Variants in HSD17B4 observed in about 807,000 individuals in gnomAD.
The protein encoded by HSD17B4 is peroxisomal multifunctional enzyme type 2.
Under a neutral mutation model 101.0 loss-of-function variants are expected in HSD17B4, and 70 were observed. That is an observed-to-expected ratio of 0.69 (90% CI 0.57 to 0.85). The LOEUF is 0.85. Among genes scored for constraint, HSD17B4 ranks in the 40% least tolerant of loss-of-function variants. The pLI is 0.00. For missense variants in HSD17B4, 984 were observed against 892.4 expected (o/e 1.10, Z -1.31); for synonymous variants, 347 against 297.1 (o/e 1.17, Z -1.73).
chr5:119,502,228 A>G, intron 14 of HSD17B4, 136 bp downstream of exon 14: 6 of 669,588 alleles, frequency 9.0e-6, no homozygotes, highest in Middle Eastern at 4.1e-4. Flanking sequence ...CATGTGAGCC[A>G]TTAGAGTAGA....
intron 20 of HSD17B4, among the ~76,000 whole-genome samples, chr5:119,529,546 C>G (rs1408201075): frequency 6.6e-6 from 1 of 152,044 alleles, no homozygotes; most frequent in Admixed American, 6.6e-5. Context: ...ATCCCCTGAT[C>G]CCCACTTCCC....
At chr5:119,471,684 C>T in intron 2 of HSD17B4, 1 of 1,470,338 alleles carries the variant, frequency 6.8e-7, no homozygotes. Flanking sequence ...TTTCACAATG[C>T]AGATTCTTTG....
intron 22 of HSD17B4, among the ~76,000 whole-genome samples, 164 bp downstream of exon 22, chr5:119,531,568 GGTGTGTGTGTGT>G (rs57579065): frequency 6.9e-5 from 8 of 116,400 alleles, no homozygotes; most frequent in African/African-American, 2.2e-4. Context: ...TCCAAAGGGG[GGTGTGTGTGTGT>G]GTGTGTGTGT....
chr5:119,477,651 C>A (rs563259365), intron 7 of HSD17B4, 150 bp downstream of exon 7: 1 of 675,658 alleles, frequency 1.5e-6, no homozygotes, highest in Non-Finnish European at 2.8e-6. Context: ...GGCACATACC[C>A]TCATTAAATT....
chr5:119,538,700 C>T (rs1754733902), intron 23 of HSD17B4, among the ~76,000 whole-genome samples: 1 of 152,102 alleles, frequency 6.6e-6, no homozygotes, highest in Admixed American at 6.6e-5. Flanking sequence ...TTTGTCCTTC[C>T]TTTCAGTTCC....
chr5:119,531,894 G>A (rs1236464545), intron 22 of HSD17B4, among the ~76,000 whole-genome samples: 3 of 152,106 alleles, frequency 2.0e-5, no homozygotes, highest in Non-Finnish European at 4.4e-5. Flanking sequence ...GGTCAAAGGT[G>A]TTTGTTTATC....
Position 119,536,498 on chromosome 5 carries a change from T to C in HSD17B4, c.2069T>C (p.Leu690Pro). The C allele has an allele frequency of 6.2e-7, 1 of 1,612,224 alleles. No individual in the cohort carries two copies. Among genetic ancestry groups the C allele is most frequent in the Non-Finnish European group, 8.5e-7 (1 of 1,178,528 alleles). The change falls in exon 23 of 24, where the codon CTT (leucine) becomes CCT (proline). Residue 690 changes from leucine (L) to proline (P), a missense_variant. By Grantham distance (98) the Leu-to-Pro change is moderately conservative (BLOSUM62 -3). Transcript: ENST00000510025. ...AKGAADTTIILSDEDFMEVVL... is the reference protein window; with the variant it reads ...AKGAADTTIIPSDEDFMEVVL... ...GGTGCTGCTGATACAACAATCATAC[T>C]TTCAGATGAAGATTTCATGGAGGTG...
intron 12 of HSD17B4, among the ~76,000 whole-genome samples, chr5:119,497,977 C>T (rs1475727971): frequency 9.2e-5 from 14 of 151,836 alleles, no homozygotes; most frequent in Admixed American, 8.5e-4. Context: ...AGGGAAGCAT[C>T]GATATTGTAT....
intron 17 of HSD17B4, among the ~76,000 whole-genome samples, chr5:119,518,252 T>C (rs1302868413): frequency 6.6e-6 from 1 of 151,612 alleles, no homozygotes; most frequent in Non-Finnish European, 1.5e-5. Context: ...CCAGACGTGC[T>C]GCCTTAAGAG....
intron 17 of HSD17B4, among the ~76,000 whole-genome samples, chr5:119,520,054 T>C (rs978583251): frequency 1.3e-5 from 2 of 152,164 alleles, no homozygotes; most frequent in African/African-American, 4.8e-5. Flanking sequence ...TTCACTTCAC[T>C]GATTATTTGT....
At chr5:119,521,990 G>T (rs1184407825) in intron 17 of HSD17B4, among the ~76,000 whole-genome samples, 1 of 151,632 alleles carries the variant, frequency 6.6e-6, no homozygotes, top group African/African-American at 2.4e-5. Flanking sequence ...ACAATGTGCA[G>T]GTTTGTTACA....
chr5:119,494,539 C>G (rs1353738051), intron 11 of HSD17B4, among the ~76,000 whole-genome samples: 1 of 152,008 alleles, frequency 6.6e-6, no homozygotes, highest in Non-Finnish European at 1.5e-5. Context: ...CTCTGCTAAT[C>G]TTAATGCTTC....
At chr5:119,492,009 C>G in intron 9 of HSD17B4, 91 bp from the exon 10 acceptor site, 1 of 930,998 alleles carries the variant, frequency 1.1e-6, no homozygotes, top group South Asian at 1.3e-5. Flanking sequence ...TCTAATACTG[C>G]TAGTAGAGGA....
chr5:119,535,940 T>A (rs1754493887), intron 22 of HSD17B4: 2 of 187,554 alleles, frequency 1.1e-5, no homozygotes, highest in Non-Finnish European at 2.2e-5. Context: ...CATATTCTCA[T>A]CTGTTACCTC....
chr5:119,521,169 C>G (rs1315427680), intron 17 of HSD17B4, among the ~76,000 whole-genome samples: 2 of 152,178 alleles, frequency 1.3e-5, no homozygotes, highest in Non-Finnish European at 2.9e-5. Flanking sequence ...GAAGGGACAG[C>G]ATTGTTGGAT....
intron 9 of HSD17B4, among the ~76,000 whole-genome samples, chr5:119,490,587 C>G (rs891334457): frequency 6.6e-6 from 1 of 151,520 alleles, no homozygotes; most frequent in Non-Finnish European, 1.5e-5. Context: ...TTTTTTGAGG[C>G]AGAGTCTTTC....
rs567923748 is a variant in HSD17B4, at chr5:119,518,540, G to C, written c.1503+3494G>C. Among the ~76,000 whole-genome samples, 10 of 152,302 alleles carry C rather than the reference G, an allele frequency of 6.6e-5. No homozygotes were observed. In the South Asian group the frequency reaches 2.1e-3, roughly 32 times the overall value. On this transcript the variant is annotated intron_variant, in intron 17 of 23. Coordinates refer to ENST00000510025, the MANE Select transcript of HSD17B4 (RefSeq NM_000414.4). ...TCTCCGGATATGTAGGGCTTGCAGT[G>C]TGTTGAGAAGTAATGATGGAGTGTA...
chr5:119,452,768 GGCACCGCATCTCTTGAGGAGGAA>G (rs756589424), intron 1 of HSD17B4, 135 bp downstream of exon 1: 27 of 1,570,226 alleles, frequency 1.7e-5, no homozygotes, highest in Non-Finnish European at 2.2e-5. Flanking sequence ...TTATTCTTGA[GGCACCGCATCTCTTGAGGAGGAA>G]AGAGCCGGAA....
chr5:119,479,127 TTTCAATTTCGA>T, intron 8 of HSD17B4, 106 bp downstream of exon 8: 1 of 879,418 alleles, frequency 1.1e-6, no homozygotes, highest in Non-Finnish European at 1.8e-6. Flanking sequence ...TTATTATTTT[TTTCAATTTCGA>T]AAGCATTATC....
Sources: gnomAD v4.1 joint callset for allele counts (sites outside exome capture counted in the v4.1 genomes callset) on GRCh38, gnomAD v4.1.1 for gene constraint, MANE v1.5 for transcripts, NCBI Gene and HGNC (gene_info 2026-07-23, HGNC 2026-07-21) for gene names.